RNF150: variants seen among roughly 807,000 people sequenced by gnomAD.
RNF150 encodes the protein ring finger protein 150.
In RNF150, 24 loss-of-function variants were observed where a neutral mutation model predicts 39.3. The observed-to-expected ratio is 0.61, with a 90% confidence interval of 0.44 to 0.86. The LOEUF is 0.86. Ranked by LOEUF, RNF150 falls within the 40% of genes least tolerant of loss-of-function variation. The probability of loss-of-function intolerance (pLI) is 0.00; values close to 1 mark genes in which losing one functional copy is unlikely to be tolerated. For missense variants in RNF150, 502 were observed against 587.8 expected (o/e 0.85, Z 1.51); for synonymous variants, 255 against 227.3 (o/e 1.12, Z -1.10).
intron 4 of RNF150, among the ~76,000 whole-genome samples, chr4:140,941,810 C>T (rs1732093306): frequency 1.3e-5 from 2 of 152,060 alleles, no homozygotes; most frequent in South Asian, 4.1e-4. Flanking sequence ...ATAGCAATAG[C>T]AATAATAATA....
At chr4:140,956,446 A>G (rs1243142158) in intron 2 of RNF150, among the ~76,000 whole-genome samples, 1 of 152,134 alleles carries the variant, frequency 6.6e-6, no homozygotes, top group Non-Finnish European at 1.5e-5. Context: ...TGGCCTCCCA[A>G]CTCAAAGGTC....
chr4:140,871,893 TTACTA>T (rs1176355502), intron 6 of RNF150, among the ~76,000 whole-genome samples: 8 of 152,194 alleles, frequency 5.3e-5, no homozygotes, highest in African/African-American at 1.7e-4. Flanking sequence ...AATTAAGACT[TTACTA>T]TACAGTGCAA....
chr4:141,050,565 A>C (rs1161633663), intron 1 of RNF150, among the ~76,000 whole-genome samples: 1 of 152,224 alleles, frequency 6.6e-6, no homozygotes, highest in African/African-American at 2.4e-5. Flanking sequence ...GAAAATGGCC[A>C]AAATGAAGGG....
At chr4:140,998,584 G>A (rs1197532438) in intron 1 of RNF150, among the ~76,000 whole-genome samples, 1 of 152,196 alleles carries the variant, frequency 6.6e-6, no homozygotes, top group Non-Finnish European at 1.5e-5. Flanking sequence ...AAGGACTCTT[G>A]TGGAGAAGCA....
At position 140,864,196 on chromosome 4, in the gene RNF150, A is replaced by G. The variant is rs1728612572; in HGVS notation, c.*4065T>C. On this transcript the variant is annotated 3_prime_UTR_variant, in exon 7 of 7. Coordinates refer to ENST00000515673, the MANE Select transcript of RNF150 (RefSeq NM_020724.2). ...TTCTGATCATTACCATGTGATGTCA[A>G]AAATGGGTAGGTACCTTTGCCGCTT... is the stretch of plus-strand genomic sequence containing the variant. The G allele has an allele frequency of 6.6e-6, 1 of 152,274 alleles. No homozygotes were observed. Among genetic ancestry groups the G allele is most frequent in the Non-Finnish European group, 1.5e-5 (1 of 68,060 alleles). 9.4% of individuals were successfully genotyped at this position (152,274 alleles called of 1,614,324 possible).
intron 6 of RNF150, among the ~76,000 whole-genome samples, chr4:140,877,717 T>G (rs180899870): frequency 6.6e-6 from 1 of 152,244 alleles, no homozygotes; most frequent in East Asian, 1.9e-4. Context: ...TAATACAAGG[T>G]GACATATGCT....
At chr4:141,191,936 G>GGTA (rs1728116368) in intron 1 of RNF150, among the ~76,000 whole-genome samples, 1 of 54,386 alleles carries the variant, frequency 1.8e-5, no homozygotes, top group Non-Finnish European at 4.6e-5. Context: ...CCACTTTGGT[G>GGTA]CTCACTGGCT....
In RNF150 at chr4:141,027,952, T is replaced by TTTTTTTTTTTTTTTTG. The variant is rs1553938684; in HGVS notation, c.485-60080_485-60079insCAAAAAAAAAAAAAAA. Among the ~76,000 whole-genome samples the TTTTTTTTTTTTTTTTG allele has an allele frequency of 5.0e-4, 36 of 71,614 alleles. 7 individuals are homozygous for TTTTTTTTTTTTTTTTG. Among genetic ancestry groups the TTTTTTTTTTTTTTTTG allele is most frequent in the Admixed American group, 1.2e-3 (6 of 5,006 alleles). The allele number at this position is 71,614 out of a possible 152,430, so 47.0% of individuals were successfully genotyped here. A position where few individuals can be genotyped will look rare whatever the true frequency, so the allele number is the denominator to read the frequency against. On this transcript the variant is annotated intron_variant, in intron 1 of 6. Coordinates refer to ENST00000515673, the MANE Select transcript of RNF150 (RefSeq NM_020724.2). ...TTTTTTTTTTTTTTTTTTTTTTTTT[T>TTTTTTTTTTTTTTTTG]CAATCCTGCTGGATCAAGATGTATA...
chr4:141,073,918 C>A (rs1253490024), intron 1 of RNF150, among the ~76,000 whole-genome samples: 2 of 151,786 alleles, frequency 1.3e-5, no homozygotes, highest in Non-Finnish European at 2.9e-5. Flanking sequence ...ATGTTGCATT[C>A]AGTTCAGAGG....
intron 1 of RNF150, among the ~76,000 whole-genome samples, chr4:141,015,581 T>C (rs760333002): frequency 6.6e-6 from 1 of 152,214 alleles, no homozygotes; most frequent in Non-Finnish European, 1.5e-5. Context: ...GAAATGATGC[T>C]GATTTTTGGG....
At chr4:141,105,751 A>G (rs973663871) in intron 1 of RNF150, among the ~76,000 whole-genome samples, 4 of 152,142 alleles carry the variant, frequency 2.6e-5, no homozygotes, top group African/African-American at 9.7e-5. Flanking sequence ...TTATTTTTCA[A>G]TCTACCCTCA....
intron 3 of RNF150, 134 bp from the exon 4 acceptor site, chr4:140,947,870 G>A (rs1490163561): frequency 3.0e-5 from 17 of 566,160 alleles, no homozygotes; most frequent in Non-Finnish European, 5.3e-5. Flanking sequence ...TAAATCAAAT[G>A]TACCATCAAT....
At chr4:141,114,198 A>G (rs1434226009) in intron 1 of RNF150, among the ~76,000 whole-genome samples, 1 of 151,948 alleles carries the variant, frequency 6.6e-6, no homozygotes, top group Non-Finnish European at 1.5e-5. Flanking sequence ...AAAACCCTTC[A>G]AAAAAAATTG....
chr4:140,899,533 T>C (rs998727570), intron 6 of RNF150, among the ~76,000 whole-genome samples: 1 of 151,938 alleles, frequency 6.6e-6, no homozygotes, highest in Non-Finnish European at 1.5e-5. Context: ...AGGCTGGAGA[T>C]TGGTGGTGGT....
intron 1 of RNF150, among the ~76,000 whole-genome samples, chr4:141,182,012 C>T (rs1727916815): frequency 6.6e-6 from 1 of 152,018 alleles, no homozygotes; most frequent in Non-Finnish European, 1.5e-5. Flanking sequence ...ATTGATTTTC[C>T]CAGGATTTAG....
At chr4:141,111,446 G>T (rs113792211) in intron 1 of RNF150, among the ~76,000 whole-genome samples, 29 of 152,254 alleles carry the variant, frequency 1.9e-4, no homozygotes, top group African/African-American at 7.0e-4. Context: ...GCAGGAAAAA[G>T]ATTATAAATC....
chr4:140,941,975 C>A (rs550577590), intron 4 of RNF150, among the ~76,000 whole-genome samples: 1 of 151,996 alleles, frequency 6.6e-6, no homozygotes, highest in African/African-American at 2.4e-5. Flanking sequence ...AAATAAAACG[C>A]GCACAAAATT....
chr4:141,122,076 C>T (rs757772457), intron 1 of RNF150, among the ~76,000 whole-genome samples: 8 of 152,142 alleles, frequency 5.3e-5, no homozygotes, highest in Non-Finnish European at 1.0e-4. Context: ...CCTCCAGGCG[C>T]CTCCTGCTCA....
rs866033629 is a variant in RNF150 at position 141,000,030 on chromosome 4, A to G, written c.485-32157T>C. Among the ~76,000 whole-genome samples the G allele has an allele frequency of 7.6e-3, 304 of 39,744 alleles. 21 individuals are homozygous for G. The highest frequency in any genetic ancestry group is 0.012 in the Non-Finnish European group (175 of 14,058). The allele number at this position is 39,744 out of a possible 152,430, so 26.1% of individuals were successfully genotyped here. A position where few individuals can be genotyped will look rare whatever the true frequency, so the allele number is the denominator to read the frequency against. ...GAAGAAGAAGAAGAAGAAGAAGAAG[A>G]AGAAGAAGAAGAAGAAGAAGAAGAA... On this transcript the variant is annotated intron_variant, in intron 1 of 6. Transcript: ENST00000515673.
Sources: allele counts gnomAD v4.1 joint callset (sites outside exome capture counted in the v4.1 genomes callset), GRCh38; gene constraint gnomAD v4.1.1; transcripts MANE v1.5; gene names NCBI Gene and HGNC (gene_info 2026-07-23, HGNC 2026-07-21).